RIMS2: variants seen among roughly 807,000 people sequenced by gnomAD.
The protein encoded by RIMS2 is regulating synaptic membrane exocytosis 2.
Under a neutral mutation model 174.4 loss-of-function variants are expected in RIMS2, and 59 were observed. That is an observed-to-expected ratio of 0.34 (90% CI 0.27 to 0.42). The LOEUF is 0.42. RIMS2 is among the 10% of genes least tolerant of loss of function. The probability of loss-of-function intolerance (pLI) is 1.00; values close to 1 mark genes in which losing one functional copy is unlikely to be tolerated. For synonymous variants in RIMS2, 606 were observed against 572.5 expected (o/e 1.06, Z -0.84); for missense variants, 1,620 against 1,666.3 (o/e 0.97, Z 0.48).
intron 19 of RIMS2, chr8:104,015,427 A>G (rs1291140874): frequency 1.4e-6 from 1 of 706,916 alleles, no homozygotes; most frequent in Non-Finnish European, 2.6e-6. Flanking sequence ...TCCCTAGACA[A>G]TGGAGTCAAG....
At chr8:103,792,189 A>G (rs2098505587) in intron 3 of RIMS2, among the ~76,000 whole-genome samples, 1 of 152,192 alleles carries the variant, frequency 6.6e-6, no homozygotes, top group Non-Finnish European at 1.5e-5. Context: ...CTCCTCAGCA[A>G]ATGTAAAACA....
chr8:103,696,634 A>G (rs1163767209), intron 1 of RIMS2, among the ~76,000 whole-genome samples: 2 of 152,048 alleles, frequency 1.3e-5, no homozygotes, highest in Non-Finnish European at 2.9e-5. Flanking sequence ...CAGGAAGCCG[A>G]GGCAGGCGAA....
chr8:103,608,649 T>C (rs1461961626), intron 1 of RIMS2, among the ~76,000 whole-genome samples: 1 of 151,542 alleles, frequency 6.6e-6, no homozygotes, highest in Non-Finnish European at 1.5e-5. Flanking sequence ...CGAGACTCCG[T>C]GGGCGTAGGA....
chr8:103,997,862 TTCTCA>T (rs1291234821), intron 17 of RIMS2, among the ~76,000 whole-genome samples: 1 of 151,806 alleles, frequency 6.6e-6, no homozygotes, highest in East Asian at 1.9e-4. Context: ...TATTTTATTT[TTCTCA>T]TCTCATCTTT....
chr8:103,537,655 C>T (rs1485006871), intron 1 of RIMS2, among the ~76,000 whole-genome samples: 1 of 152,010 alleles, frequency 6.6e-6, no homozygotes, highest in Non-Finnish European at 1.5e-5. Context: ...TCTGGCTTTA[C>T]CAAGCCAGAT....
intron 1 of RIMS2, among the ~76,000 whole-genome samples, chr8:103,534,489 A>G (rs987248213): frequency 2.0e-5 from 3 of 152,230 alleles, no homozygotes; most frequent in Non-Finnish European, 4.4e-5. Flanking sequence ...GAAGTCTCAA[A>G]CTCAATTCTA....
rs569451469 is a variant in RIMS2 at position 104,247,143 on chromosome 8, G to A, written c.3477-1558G>A. ...ATTCTGAATGTATTTTGACAGTAGA[G>A]CAAGTAAGATTTATTGATGCATTTG... On this transcript the variant is annotated intron_variant, in intron 20 of 23. Transcript: ENST00000504942. 8.5e-5 allele frequency among the ~76,000 whole-genome samples: 13 copies of A among 152,264 alleles called. No individual in the cohort carries two copies. The South Asian group carries it at 1.5e-3, about 17-fold the overall frequency.
chr8:103,983,506 C>A (rs11782932), intron 16 of RIMS2, among the ~76,000 whole-genome samples: 1 of 151,928 alleles, frequency 6.6e-6, no homozygotes, highest in South Asian at 2.1e-4. Flanking sequence ...TATACTACAG[C>A]GCTATAGTAA....
At chr8:103,558,859 T>C (rs1587722218) in intron 1 of RIMS2, among the ~76,000 whole-genome samples, 1 of 152,196 alleles carries the variant, frequency 6.6e-6, no homozygotes, top group African/African-American at 2.4e-5. Context: ...TCAAGTACTT[T>C]TAAAAAACAA....
intron 19 of RIMS2, among the ~76,000 whole-genome samples, chr8:104,100,595 A>G (rs1215731544): frequency 1.3e-5 from 2 of 151,792 alleles, no homozygotes; most frequent in African/African-American, 4.8e-5. Flanking sequence ...ATTTTTGAGG[A>G]TATTGTTTCT....
intron 1 of RIMS2, among the ~76,000 whole-genome samples, chr8:103,647,035 A>C (rs1287231869): frequency 6.6e-6 from 1 of 152,188 alleles, no homozygotes; most frequent in African/African-American, 2.4e-5. Flanking sequence ...AATTTTTAAC[A>C]TGAAGGGATT....
chr8:103,865,859 T>C (rs963849811), intron 3 of RIMS2, among the ~76,000 whole-genome samples: 5 of 152,168 alleles, frequency 3.3e-5, no homozygotes, highest in Non-Finnish European at 7.4e-5. Context: ...ATTTTAGTCT[T>C]TAACACCTCT....
intron 2 of RIMS2, among the ~76,000 whole-genome samples, chr8:103,725,190 T>TA (rs1438330900): frequency 3.9e-5 from 6 of 152,190 alleles, no homozygotes; most frequent in Non-Finnish European, 8.8e-5. Context: ...TACTCTTCTT[T>TA]ACAAAAATTT....
At chr8:104,154,184 A>G (rs2098707374) in intron 19 of RIMS2, among the ~76,000 whole-genome samples, 1 of 152,212 alleles carries the variant, frequency 6.6e-6, no homozygotes, top group South Asian at 2.1e-4. Context: ...AAGTAGGGAG[A>G]CAGGAAATAA....
At chr8:104,108,527 G>T (rs2098119894) in intron 19 of RIMS2, among the ~76,000 whole-genome samples, 1 of 151,886 alleles carries the variant, frequency 6.6e-6, no homozygotes, top group Non-Finnish European at 1.5e-5. Context: ...TCAAACTCCT[G>T]TCCTCAAATG....
intron 1 of RIMS2, among the ~76,000 whole-genome samples, chr8:103,637,386 T>A (rs1468051066): frequency 3.9e-5 from 6 of 152,228 alleles, no homozygotes; most frequent in Admixed American, 6.5e-5. Flanking sequence ...TTTTCTAGTT[T>A]TGTTATCAGA....
chr8:103,952,819 CT>C (rs2085852534), intron 14 of RIMS2, among the ~76,000 whole-genome samples: 1 of 152,114 alleles, frequency 6.6e-6, no homozygotes, highest in African/African-American at 2.4e-5. Context: ...CTCCTCCAAG[CT>C]AAAGGAACAT....
rs544041744 is a variant in RIMS2, at chr8:103,752,255, A to G, written c.388-13972A>G. 5.0e-3 allele frequency among the ~76,000 whole-genome samples: 763 copies of G among 152,168 alleles called. 9 individuals carry two copies. Among genetic ancestry groups the G allele is most frequent in the African/African-American group, 0.017 (726 of 41,512 alleles). On this transcript the variant is annotated intron_variant, in intron 2 of 23. Coordinates refer to ENST00000504942, the Ensembl canonical transcript of RIMS2. ...TTCTCAGGTATGTCAAAGATCAGAT[A>G]GTTGTAGATATGCAGCGTTATTTCT...
intron 3 of RIMS2, among the ~76,000 whole-genome samples, chr8:103,807,429 T>C (rs1423556334): frequency 1.3e-5 from 2 of 152,060 alleles, no homozygotes; most frequent in Non-Finnish European, 2.9e-5. Context: ...TTGATTAGTA[T>C]GGATTTAAAA....
Sources: allele counts gnomAD v4.1 joint callset (sites outside exome capture counted in the v4.1 genomes callset), GRCh38; gene constraint gnomAD v4.1.1; transcripts MANE v1.5; gene names NCBI Gene and HGNC (gene_info 2026-07-23, HGNC 2026-07-21).